Variants in KSR1 observed in about 807,000 individuals in gnomAD.
KSR1 encodes kinase suppressor of ras 1.
In KSR1, 35 loss-of-function variants were observed where a neutral mutation model predicts 92.9. The ratio of observed to expected loss-of-function variants is 0.38; its 90% CI spans 0.29 to 0.50. The LOEUF (loss-of-function observed/expected upper bound fraction) is 0.50. Among genes scored for constraint, KSR1 ranks in the 20% least tolerant of loss-of-function variants. The pLI is 0.94. For synonymous variants in KSR1, 467 were observed against 472.6 expected (o/e 0.99, Z 0.15); for missense variants, 972 against 1,158.5 (o/e 0.84, Z 2.34).
chr17:27,524,232 G>C (rs968585816), intron 1 of KSR1, among the ~76,000 whole-genome samples: 1 of 152,014 alleles, frequency 6.6e-6, no homozygotes, highest in African/African-American at 2.4e-5. Context: ...TGGGAGGAGA[G>C]ACCACTTGGC....
chr17:27,476,779 CAGAT>C (rs1254264984), intron 1 of KSR1, among the ~76,000 whole-genome samples: 2 of 143,408 alleles, frequency 1.4e-5, no homozygotes, highest in African/African-American at 2.5e-5. Flanking sequence ...TCTGGGCTCT[CAGAT>C]AGCACTGGGA....
At chr17:27,468,990 G>T (rs551648960) in intron 1 of KSR1, among the ~76,000 whole-genome samples, 1 of 152,092 alleles carries the variant, frequency 6.6e-6, no homozygotes, top group South Asian at 2.1e-4. Flanking sequence ...TTTCCTTGTT[G>T]CTTGTTCCCA....
At chr17:27,581,988 A>G (rs2072779096) in intron 3 of KSR1, among the ~76,000 whole-genome samples, 1 of 152,008 alleles carries the variant, frequency 6.6e-6, no homozygotes, top group African/African-American at 2.4e-5. Flanking sequence ...CCTCGTCCCA[A>G]TGTTTGAATT....
In KSR1 at chr17:27,590,910, G is replaced by T; in HGVS notation, c.1130+16G>T. The T allele has an allele frequency of 6.3e-7, 1 of 1,599,964 alleles. No homozygotes were observed. Among genetic ancestry groups the T allele is most frequent in the Non-Finnish European group, 8.5e-7 (1 of 1,171,960 alleles). On this transcript the variant is annotated intron_variant, in intron 7 of 20. Transcript: ENST00000644974. ...AGCATTGCAGGTGATGGGAAGAGGA[G>T]TGGGGGTGGGGGGAGCAGACACTTT...
intron 11 of KSR1, 97 bp downstream of exon 11, chr17:27,601,498 G>A (rs1462624338): frequency 5.0e-6 from 5 of 1,007,760 alleles, no homozygotes; most frequent in East Asian, 2.5e-5. Context: ...TACCTTTGGA[G>A]ATACTTGAGT....
At chr17:27,536,375 C>G (rs967901605) in intron 1 of KSR1, among the ~76,000 whole-genome samples, 18 of 152,198 alleles carry the variant, frequency 1.2e-4, no homozygotes, top group African/African-American at 4.1e-4. Flanking sequence ...AGTAAAAACA[C>G]TAATAAAACA....
intron 2 of KSR1, among the ~76,000 whole-genome samples, chr17:27,554,650 A>G (rs939455938): frequency 6.6e-6 from 1 of 152,192 alleles, no homozygotes; most frequent in Non-Finnish European, 1.5e-5. Flanking sequence ...CTGATTCTAC[A>G]TTATGGTGAG....
Position 27,625,042 on chromosome 17 carries a change from C to A in KSR1, c.*1650C>A, listed in dbSNP as rs534926681. The A allele has an allele frequency of 1.3e-5, 2 of 152,358 alleles. No individual in the cohort carries two copies. The highest frequency in any genetic ancestry group is 2.9e-5 in the Non-Finnish European group (2 of 68,130). The allele number at this position is 152,358 out of a possible 1,614,324, so 9.4% of individuals were successfully genotyped here. A position where few individuals can be genotyped will look rare whatever the true frequency, so the allele number is the denominator to read the frequency against. ...GTCTGTGTGGGGAGGCTGTAAACCC[C>A]GTGGATTCAGCTCCGTGTGGAGTTT... On this transcript the variant is annotated 3_prime_UTR_variant, in exon 21 of 21. Coordinates refer to ENST00000644974, the MANE Select transcript of KSR1 (RefSeq NM_001394583.1).
chr17:27,523,518 G>C (rs1042403353), intron 1 of KSR1, among the ~76,000 whole-genome samples: 1 of 152,224 alleles, frequency 6.6e-6, no homozygotes, highest in African/African-American at 2.4e-5. Context: ...GAGGCTTCCA[G>C]ATAGTGAATG....
chr17:27,494,760 ATTG>A (rs2068929832), intron 1 of KSR1, among the ~76,000 whole-genome samples: 1 of 152,218 alleles, frequency 6.6e-6, no homozygotes, highest in African/African-American at 2.4e-5. Context: ...TCCTCTCAGC[ATTG>A]ACGTCGTGAG....
chr17:27,611,507 G>A lies in KSR1; in HGVS notation c.2371G>A (p.Glu791Lys). The A allele has an allele frequency of 6.2e-7, 1 of 1,613,856 alleles. No individual in the cohort carries two copies. The highest frequency in any genetic ancestry group is 2.2e-5 in the East Asian group (1 of 44,884). Residue 791 changes from glutamate (E) to lysine (K), a missense_variant, in exon 18 of 21, where the codon GAG (glutamate) becomes AAG (lysine). Transcript: ENST00000644974. ...DVYAFGTVWY[E>K]LQARDWPLKN... ...GGGTCTCTGCAGGACTGTTTGGTAT[G>A]AGCTGCAAGCAAGAGACTGGCCCTT...
rs1361309659 is a variant in KSR1, at chr17:27,624,070, G to A, written c.*678G>A. 6.4e-6 allele frequency: 1 copy of A among 156,826 alleles called. No individual in the cohort carries two copies. The highest frequency in any genetic ancestry group is 2.4e-5 in the African/African-American group (1 of 41,632). 9.7% of individuals were successfully genotyped at this position (156,826 alleles called of 1,614,324 possible). A position where few individuals can be genotyped will look rare whatever the true frequency, so the allele number is the denominator to read the frequency against. On this transcript the variant is annotated 3_prime_UTR_variant, in exon 21 of 21. Transcript: ENST00000644974. ...AAAAGTAGAAACAGAATCCAAAAAA[G>A]GTCTGGACTCACCCGGTGGTTCCCA...
chr17:27,535,494 A>G (rs1420786303), intron 1 of KSR1, among the ~76,000 whole-genome samples: 5 of 152,152 alleles, frequency 3.3e-5, no homozygotes, highest in African/African-American at 1.2e-4. Flanking sequence ...AAGGGTGTGG[A>G]TGCTGATCTG....
chr17:27,470,870 C>CTT (rs35823501), intron 1 of KSR1, among the ~76,000 whole-genome samples: 27 of 148,934 alleles, frequency 1.8e-4, no homozygotes, highest in Admixed American at 5.3e-4. Flanking sequence ...CATTCAGTGA[C>CTT]TTTTTTTTTT....
intron 5 of KSR1, chr17:27,586,995 C>G (rs1039967802): frequency 6.6e-6 from 1 of 152,256 alleles, no homozygotes; most frequent in Non-Finnish European, 1.5e-5. Context: ...GCCTCAGCCT[C>G]CCGAGTAGCC....
intron 1 of KSR1, among the ~76,000 whole-genome samples, chr17:27,479,891 G>T (rs981977926): frequency 1.1e-4 from 17 of 152,172 alleles, no homozygotes; most frequent in African/African-American, 4.1e-4. Flanking sequence ...GACCTGTGCT[G>T]CGGGGGCACC....
intron 1 of KSR1, among the ~76,000 whole-genome samples, chr17:27,547,141 T>A (rs1471831376): frequency 6.6e-6 from 1 of 152,066 alleles, no homozygotes; most frequent in Non-Finnish European, 1.5e-5. Flanking sequence ...GGGAGAGGGG[T>A]AAGTAACCCC....
At chr17:27,547,953 T>G (rs1317567584) in intron 1 of KSR1, among the ~76,000 whole-genome samples, 1 of 152,192 alleles carries the variant, frequency 6.6e-6, no homozygotes, top group Admixed American at 6.5e-5. Flanking sequence ...TTTTAAGTGA[T>G]CCACCTGCCT....
In KSR1 at chr17:27,582,993, C is replaced by A. The variant is rs1434640888; in HGVS notation, c.868C>A (p.Pro290Thr). 2 of 1,609,284 alleles carry A rather than the reference C, an allele frequency of 1.2e-6. No individual in the cohort carries two copies. Among genetic ancestry groups the A allele is most frequent in the African/African-American group, 2.7e-5 (2 of 74,648 alleles). Reference sequence around the variant, plus strand: ...CAAGCTGAAGCCACCACGGACGCCCCCCCCACCCAGCCGCAAGGTCTTCCA... The same window carrying A: ...CAAGCTGAAGCCACCACGGACGCCCACCCCACCCAGCCGCAAGGTCTTCCA... ...HTKLKPPRTP[P>T]PPSRKVFQLL... The change falls in exon 4 of 21, where the codon CCC (proline) becomes ACC (threonine). Residue 290 changes from proline (P) to threonine (T), a missense_variant. Coordinates refer to ENST00000644974, the MANE Select transcript of KSR1 (RefSeq NM_001394583.1).
Sources: allele counts gnomAD v4.1 joint callset (sites outside exome capture counted in the v4.1 genomes callset), GRCh38; gene constraint gnomAD v4.1.1; transcripts MANE v1.5; gene names NCBI Gene and HGNC (gene_info 2026-07-23, HGNC 2026-07-21).